NOL4L: variants seen among roughly 807,000 people sequenced by gnomAD.
The protein encoded by NOL4L is nucleolar protein 4 like.
A neutral mutation model predicts 64.5 loss-of-function variants in NOL4L; 7 were observed. That is an observed-to-expected ratio of 0.11 (90% CI 0.06 to 0.20). The LOEUF is 0.20. NOL4L is among the 10% of genes least tolerant of loss of function. The probability of loss-of-function intolerance (pLI) is 1.00; values close to 1 mark genes in which losing one functional copy is unlikely to be tolerated. For missense variants in NOL4L, 680 were observed against 967.1 expected, an observed-to-expected ratio of 0.70 and a Z score of 3.94; for synonymous variants, 413 against 401.0, an observed-to-expected ratio of 1.03 and a Z score of -0.36.
rs1377138092 is a variant in NOL4L at position 32,452,404 on chromosome 20, G to A, written c.1654C>T (p.Arg552Trp). ...GAGTGGGTGATGGCTGCGGAGTCCC[G>A]CGAGTGCTGCTTGTCCAGGGCTATG... is the stretch of plus-strand genomic sequence containing the variant. ...EPIALDKQHS[R>W]DSAAITHSTY... The change falls in exon 10 of 11, where the codon CGG (arginine) becomes TGG (tryptophan). Residue 552 changes from arginine (R) to tryptophan (W), a missense_variant. By Grantham distance (101) the Arg-to-Trp change is moderately radical (BLOSUM62 -3). Transcript: ENST00000621426. 4.3e-6 allele frequency: 7 copies of A among 1,609,360 alleles called. No individual in the cohort carries two copies. The highest frequency in any genetic ancestry group is 1.7e-5 in the Admixed American group (1 of 59,652).
At chr20:32,496,457 C>A (rs1039935127) in intron 4 of NOL4L, among the ~76,000 whole-genome samples, 2 of 152,184 alleles carry the variant, frequency 1.3e-5, no homozygotes, top group African/African-American at 4.8e-5. Flanking sequence ...TTATCTGTCT[C>A]ATTCACTGTG....
chr20:32,485,715 AGT>A (rs1329085295), intron 4 of NOL4L: 4 of 470,468 alleles, frequency 8.5e-6, no homozygotes, highest in South Asian at 6.2e-5. Context: ...ACAGCTCTTA[AGT>A]TCATCCAGGA....
At chr20:32,459,605 G>A (rs1302176618) in intron 5 of NOL4L, among the ~76,000 whole-genome samples, 6 of 151,882 alleles carry the variant, frequency 4.0e-5, no homozygotes, top group Admixed American at 2.0e-4. Context: ...GGCTGGTCTC[G>A]AATTCATGAC....
chr20:32,532,037 G>A (rs1478534103), intron 1 of NOL4L, among the ~76,000 whole-genome samples: 1 of 152,182 alleles, frequency 6.6e-6, no homozygotes, highest in Non-Finnish European at 1.5e-5. Context: ...ACTGTCCCAT[G>A]TGGCCTGTCT....
intron 4 of NOL4L, among the ~76,000 whole-genome samples, chr20:32,506,291 C>T (rs916633393): frequency 3.9e-5 from 6 of 152,080 alleles, no homozygotes; most frequent in Non-Finnish European, 7.3e-5. Flanking sequence ...CCTCCCCTGG[C>T]CCCAGGTCCT....
At chr20:32,542,872 T>C (rs2018677283) in intron 1 of NOL4L, among the ~76,000 whole-genome samples, 1 of 152,210 alleles carries the variant, frequency 6.6e-6, no homozygotes, top group South Asian at 2.1e-4. Flanking sequence ...GCACGTGACT[T>C]AACCTCTTTA....
intron 4 of NOL4L, among the ~76,000 whole-genome samples, chr20:32,497,466 A>G (rs1482499962): frequency 6.6e-6 from 1 of 152,154 alleles, no homozygotes; most frequent in Non-Finnish European, 1.5e-5. Context: ...GGGGTCCCGC[A>G]TTCAAAATAA....
At chr20:32,511,093 C>A in intron 4 of NOL4L, 1 of 352,892 alleles carries the variant, frequency 2.8e-6, no homozygotes, top group Non-Finnish European at 5.2e-6. Context: ...TCCTCCCCCT[C>A]CTCCCACGAG....
At chr20:32,516,405 C>T (rs1252476399) in intron 3 of NOL4L, among the ~76,000 whole-genome samples, 1 of 152,118 alleles carries the variant, frequency 6.6e-6, no homozygotes, top group African/African-American at 2.4e-5. Context: ...GTGCAGTCCC[C>T]AGGCTCAGGA....
chr20:32,514,494 G>GA (rs1269971688), intron 3 of NOL4L, among the ~76,000 whole-genome samples: 15 of 149,838 alleles, frequency 1.0e-4, no homozygotes, highest in African/African-American at 2.7e-4. Context: ...CCGTCCCAAG[G>GA]AAAAAAAAAA....
intron 6 of NOL4L, among the ~76,000 whole-genome samples, chr20:32,454,913 C>T (rs1411805673): frequency 6.6e-6 from 1 of 152,230 alleles, no homozygotes; most frequent in Non-Finnish European, 1.5e-5. Context: ...CACAGCACGG[C>T]CCCCGCCAGG....
chr20:32,524,737 G>A (rs891427891), intron 2 of NOL4L, among the ~76,000 whole-genome samples: 2 of 152,204 alleles, frequency 1.3e-5, no homozygotes, highest in Non-Finnish European at 2.9e-5. Context: ...GGATGGGTGG[G>A]GGCCTCGTGT....
intron 5 of NOL4L, among the ~76,000 whole-genome samples, chr20:32,466,357 G>A (rs1253959058): frequency 6.6e-6 from 1 of 152,120 alleles, no homozygotes; most frequent in Non-Finnish European, 1.5e-5. Context: ...GGGCTGTGTA[G>A]GCCCTGCCCA....
intron 1 of NOL4L, among the ~76,000 whole-genome samples, chr20:32,543,490 G>T (rs2002361): frequency 0.13 from 20,368 of 152,050 alleles, 1,943 homozygotes; most frequent in African/African-American, 0.27. Flanking sequence ...GTGGTTGTGG[G>T]CACCTGTAAT....
At chr20:32,558,956 C>T (rs1256807010) in intron 1 of NOL4L, among the ~76,000 whole-genome samples, 1 of 152,082 alleles carries the variant, frequency 6.6e-6, no homozygotes, top group Admixed American at 6.5e-5. Flanking sequence ...GAAGGTGAGC[C>T]GATTGCAGAT....
intron 1 of NOL4L, among the ~76,000 whole-genome samples, chr20:32,578,646 C>T (rs577073574): frequency 1.3e-5 from 2 of 152,306 alleles, no homozygotes; most frequent in African/African-American, 4.8e-5. Flanking sequence ...CAAGCACATT[C>T]CTTAGCCACC....
At chr20:32,498,420 TAAAA>T (rs11482808) in intron 4 of NOL4L, among the ~76,000 whole-genome samples, 4 of 145,412 alleles carry the variant, frequency 2.8e-5, no homozygotes, top group African/African-American at 1.0e-4. Context: ...TCTGTTCTCT[TAAAA>T]AAAAAAAAAG....
chr20:32,571,133 A>G (rs1159737679), intron 1 of NOL4L, among the ~76,000 whole-genome samples: 1 of 152,168 alleles, frequency 6.6e-6, no homozygotes, highest in East Asian at 1.9e-4. Flanking sequence ...TGGGATGGCC[A>G]CTTATCAGGT....
rs1469935589 is a variant in NOL4L at position 32,563,103 on chromosome 20, G to C, written c.321+21467C>G. On this transcript the variant is annotated intron_variant, in intron 1 of 10. Coordinates refer to ENST00000621426, the MANE Select transcript of NOL4L (RefSeq NM_001256798.2). ...GAAGGGGAAGGAGGGTGGAGGGAGG[G>C]TGGAGGCAGGGAGAGTGGAGGGCAG... Among the ~76,000 whole-genome samples the C allele has an allele frequency of 4.0e-4, 4 of 10,098 alleles. 1 individual carries two copies. Among genetic ancestry groups the C allele is most frequent in the African/African-American group, 1.9e-3 (4 of 2,116 alleles). The allele number at this position is 10,098 out of a possible 152,430, so 6.6% of individuals were successfully genotyped here.
Sources: gnomAD v4.1 joint callset for allele counts (sites outside exome capture counted in the v4.1 genomes callset) on GRCh38, gnomAD v4.1.1 for gene constraint, MANE v1.5 for transcripts, NCBI Gene and HGNC (gene_info 2026-07-23, HGNC 2026-07-21) for gene names.